Variants in SYNPO2 observed in about 807,000 individuals in gnomAD.
The protein encoded by SYNPO2 is synaptopodin-2.
SYNPO2 carries 56 observed loss-of-function variants against 85.0 expected under a neutral mutation model. That is an observed-to-expected ratio of 0.66 (90% CI 0.53 to 0.82). The LOEUF is 0.82. Ranked by LOEUF, SYNPO2 falls within the 40% of genes least tolerant of loss-of-function variation. The probability of loss-of-function intolerance (pLI) is 0.00; values close to 1 mark genes in which losing one functional copy is unlikely to be tolerated. For missense variants in SYNPO2, 1,575 were observed against 1,534.2 expected (o/e 1.03, Z -0.44); for synonymous variants, 602 against 591.1 (o/e 1.02, Z -0.27).
chr4:119,044,930 C>G (rs542660850), intron 4 of SYNPO2, among the ~76,000 whole-genome samples: 7 of 152,282 alleles, frequency 4.6e-5, no homozygotes, highest in African/African-American at 1.7e-4. Context: ...CATTAACTCG[C>G]TTTGAATTGT....
At chr4:118,993,820 A>G (rs1269823495) in intron 1 of SYNPO2, among the ~76,000 whole-genome samples, 1 of 152,190 alleles carries the variant, frequency 6.6e-6, no homozygotes, top group Non-Finnish European at 1.5e-5. Context: ...AGGACTCTTG[A>G]ATGTTTACTT....
intron 1 of SYNPO2, among the ~76,000 whole-genome samples, chr4:119,019,306 G>A (rs749962028): frequency 4.6e-5 from 7 of 152,126 alleles, no homozygotes; most frequent in Non-Finnish European, 1.0e-4. Context: ...TCTTAGTTAT[G>A]TGATCTGATT....
chr4:118,975,565 G>C (rs1354640306), intron 1 of SYNPO2, among the ~76,000 whole-genome samples: 1 of 152,180 alleles, frequency 6.6e-6, no homozygotes, highest in Non-Finnish European at 1.5e-5. Flanking sequence ...TTCACCCCCA[G>C]GAAGGAGGAG....
At chr4:118,880,555 C>G (rs947185674) in intron 1 of SYNPO2, among the ~76,000 whole-genome samples, 1 of 151,974 alleles carries the variant, frequency 6.6e-6, no homozygotes, top group African/African-American at 2.4e-5. Flanking sequence ...CAAGACCAGC[C>G]TGGCCAAGAT....
At chr4:118,893,514 T>C (rs557880574) in intron 1 of SYNPO2, among the ~76,000 whole-genome samples, 4 of 152,210 alleles carry the variant, frequency 2.6e-5, no homozygotes, top group Non-Finnish European at 5.9e-5. Flanking sequence ...TTGCCAATGG[T>C]TAAGCTACAA....
At chr4:118,933,848 G>GTTTTTTTTTTTAA (rs1734014980) in intron 1 of SYNPO2, among the ~76,000 whole-genome samples, 1 of 10,302 alleles carries the variant, frequency 9.7e-5, no homozygotes, top group Admixed American at 1.3e-3. Context: ...TTTTTTTTTG[G>GTTTTTTTTTTTAA]ACAGTAACCT....
At chr4:118,935,643 C>T (rs1486108356) in intron 1 of SYNPO2, among the ~76,000 whole-genome samples, 2 of 152,246 alleles carry the variant, frequency 1.3e-5, no homozygotes, top group Non-Finnish European at 1.5e-5. Context: ...CAACCCCCAA[C>T]AAAGCTTAAA....
chr4:118,988,970 G>A (rs1303726495), intron 1 of SYNPO2, among the ~76,000 whole-genome samples: 1 of 152,116 alleles, frequency 6.6e-6, no homozygotes, highest in Non-Finnish European at 1.5e-5. Context: ...GACCAAGCAG[G>A]TCTTACAGTT....
chr4:119,026,735 G>C lies in SYNPO2; in HGVS notation c.366G>C (p.Pro122=). ...YVESTTLQIR[P]ATKTQCTEFF... is the part of the protein sequence containing the mutation. ...AAAGTACCACCCTGCAGATTCGACCGGCCACAAAGACCCAGTGCACAGAAT... is the reference window on the plus strand; with the variant it reads ...AAAGTACCACCCTGCAGATTCGACCCGCCACAAAGACCCAGTGCACAGAAT... The change falls in exon 3 of 5, where the codon CCG becomes CCC. Residue 122 remains proline (P), a synonymous_variant. Transcript: ENST00000307142. The C allele has an allele frequency of 1.9e-6, 3 of 1,614,088 alleles. No homozygotes were observed. Among genetic ancestry groups the C allele is most frequent in the African/African-American group, 2.7e-5 (2 of 74,990 alleles).
intron 1 of SYNPO2, among the ~76,000 whole-genome samples, chr4:118,899,121 G>A (rs1187702657): frequency 6.6e-6 from 1 of 152,166 alleles, no homozygotes; most frequent in Non-Finnish European, 1.5e-5. Context: ...TCACAAGTCT[G>A]TTTCCTCCAT....
At chr4:118,906,156 A>G (rs1732930285) in intron 1 of SYNPO2, among the ~76,000 whole-genome samples, 1 of 152,184 alleles carries the variant, frequency 6.6e-6, no homozygotes, top group African/African-American at 2.4e-5. Flanking sequence ...TACATCTTTT[A>G]TTGTTAGTTC....
intron 1 of SYNPO2, among the ~76,000 whole-genome samples, chr4:118,976,165 C>T (rs553402466): frequency 2.0e-5 from 3 of 152,076 alleles, no homozygotes; most frequent in African/African-American, 7.2e-5. Flanking sequence ...TAAGTTGGCA[C>T]GTCTGGAGTC....
At chr4:118,911,233 G>A (rs1241227112) in intron 1 of SYNPO2, among the ~76,000 whole-genome samples, 1 of 152,162 alleles carries the variant, frequency 6.6e-6, no homozygotes, top group Non-Finnish European at 1.5e-5. Context: ...TGAAGCTAAT[G>A]CATCTTTGAG....
At chr4:119,034,932 ATG>A in intron 4 of SYNPO2, 1 of 985,492 alleles carries the variant, frequency 1.0e-6, no homozygotes, top group Middle Eastern at 5.2e-4. Flanking sequence ...TCCGCTGGTT[ATG>A]AGGTGTAGGG....
chr4:118,991,331 A>G (rs951431170), intron 1 of SYNPO2, among the ~76,000 whole-genome samples: 2 of 151,886 alleles, frequency 1.3e-5, no homozygotes, highest in African/African-American at 4.8e-5. Context: ...TATTTTTAGT[A>G]GAGACAGGGT....
At chr4:118,916,539 A>G (rs906952845) in intron 1 of SYNPO2, among the ~76,000 whole-genome samples, 2 of 142,674 alleles carry the variant, frequency 1.4e-5, no homozygotes, top group Non-Finnish European at 3.2e-5. Flanking sequence ...CTCCAAGTCT[A>G]AGAAATATAA....
At chr4:119,055,639 C>CAT (rs1250038939) in intron 4 of SYNPO2, among the ~76,000 whole-genome samples, 2 of 152,142 alleles carry the variant, frequency 1.3e-5, no homozygotes, top group Non-Finnish European at 2.9e-5. Context: ...TGAACACATA[C>CAT]ATAATGTGAA....
intron 1 of SYNPO2, among the ~76,000 whole-genome samples, chr4:118,939,980 T>C (rs1007346225): frequency 1.4e-4 from 14 of 97,764 alleles, no homozygotes; most frequent in Admixed American, 1.2e-3. Context: ...CTCTCTTCTT[T>C]TTTTTTTTTT....
intron 4 of SYNPO2, among the ~76,000 whole-genome samples, chr4:119,054,915 A>C (rs1412807573): frequency 6.6e-6 from 1 of 152,104 alleles, no homozygotes; most frequent in Non-Finnish European, 1.5e-5. Context: ...AAGCAAAATC[A>C]TGGGACTCTG....
Sources: allele counts gnomAD v4.1 joint callset (sites outside exome capture counted in the v4.1 genomes callset), GRCh38; gene constraint gnomAD v4.1.1; transcripts MANE v1.5; gene names NCBI Gene and HGNC (gene_info 2026-07-23, HGNC 2026-07-21).